SCML2: variants seen among roughly 807,000 people sequenced by gnomAD.
The protein encoded by SCML2 is Scm polycomb group protein like 2.
SCML2 carries 6 observed loss-of-function variants against 48.4 expected under a neutral mutation model. The observed-to-expected ratio is 0.12, with a 90% confidence interval of 0.07 to 0.24. The LOEUF is 0.24. SCML2 is among the 10% of genes least tolerant of loss of function. The probability of loss-of-function intolerance (pLI) is 1.00; values close to 1 mark genes in which losing one functional copy is unlikely to be tolerated. For missense variants in SCML2, 377 were observed against 528.2 expected (o/e 0.71, Z 2.81); for synonymous variants, 181 against 189.5 (o/e 0.95, Z 0.37).
chrX:18,344,506 G>A (rs987408527), intron 1 of SCML2, among the ~76,000 whole-genome samples: 4 of 111,953 alleles, frequency 3.6e-5, no homozygotes, highest in African/African-American at 1.3e-4. Context: ...TTCAATTGTA[G>A]CTCTCATAAT....
At chrX:18,292,363 A>C (rs1928259586) in intron 7 of SCML2, among the ~76,000 whole-genome samples, 1 of 111,575 alleles carries the variant, frequency 9.0e-6, no homozygotes, top group African/African-American at 3.2e-5. Flanking sequence ...TCATCATATC[A>C]TCTAGTTTAA....
chrX:18,296,505 A>G (rs1336052999), intron 7 of SCML2, among the ~76,000 whole-genome samples: 2 of 111,350 alleles, frequency 1.8e-5, no homozygotes, highest in African/African-American at 6.5e-5. Context: ...AGATGAAAAG[A>G]AGGCCAAAGG....
chrX:18,329,816 G>A (rs964576772), intron 3 of SCML2, among the ~76,000 whole-genome samples: 3 of 112,442 alleles, frequency 2.7e-5, no homozygotes, highest in African/African-American at 6.5e-5. Context: ...AGTGGCTCAC[G>A]CCTGTAATCC....
At chrX:18,315,536 T>C (rs1006619501) in intron 6 of SCML2, among the ~76,000 whole-genome samples, 3 of 111,239 alleles carry the variant, frequency 2.7e-5, no homozygotes, top group Admixed American at 9.6e-5. Context: ...CTTATAAAAG[T>C]TGTCAGAATC....
Position 18,246,720 on chromosome X carries a change from C to T in SCML2, c.1679G>A (p.Arg560Lys), listed in dbSNP as rs748578619. 1 of 1,209,655 alleles carries T rather than the reference C, an allele frequency of 8.3e-7. No individual in the cohort carries two copies. Among genetic ancestry groups the T allele is most frequent in the Non-Finnish European group, 1.1e-6 (1 of 893,866 alleles). Residue 560 changes from arginine (R) to lysine (K), a missense_variant, in exon 13 of 15, where the codon AGA (arginine) becomes AAA (lysine). Coordinates refer to ENST00000251900, the MANE Select transcript of SCML2 (RefSeq NM_006089.3). ...TGAAGTATGAATATACATAGGATTT[C>T]TACAGGCAGGATTCAAATAATTTCC... is the stretch of plus-strand genomic sequence containing the variant. ...NSGNYLNPAC[R>K]NPMYIHTSVS...
intron 7 of SCML2, among the ~76,000 whole-genome samples, chrX:18,270,496 G>C (rs1927416824): frequency 9.0e-6 from 1 of 110,959 alleles, no homozygotes; most frequent in Non-Finnish European, 1.9e-5. Context: ...CTGAAGCCTT[G>C]AACTCCTAGG....
intron 6 of SCML2, among the ~76,000 whole-genome samples, chrX:18,309,576 T>C (rs777997833): frequency 8.0e-5 from 9 of 112,082 alleles, no homozygotes; most frequent in East Asian, 2.8e-4. Context: ...GGTACATATA[T>C]ACCATGGAAT....
chrX:18,309,360 A>G (rs1465129947), intron 6 of SCML2, among the ~76,000 whole-genome samples: 2 of 111,925 alleles, frequency 1.8e-5, no homozygotes, highest in Non-Finnish European at 3.8e-5. Context: ...GCCACTGAGG[A>G]AGGCAGTTTG....
chrX:18,351,327 C>CAA (rs1930369868), intron 1 of SCML2, among the ~76,000 whole-genome samples: 1 of 109,875 alleles, frequency 9.1e-6, no homozygotes, highest in Non-Finnish European at 1.9e-5. Context: ...GTTTTTAGTT[C>CAA]CTGGAATCAA....
intron 11 of SCML2, 45 bp from the exon 12 acceptor site, chrX:18,247,927 T>A (rs1455521679): frequency 1.1e-6 from 1 of 898,658 alleles, no homozygotes; most frequent in East Asian, 3.1e-5. Flanking sequence ...CGAACTAATA[T>A]ACTCAAGCAT....
In SCML2 at chrX:18,337,511, T is replaced by C. The variant is rs184269118; in HGVS notation, c.-24-3416A>G. 3.7e-3 allele frequency among the ~76,000 whole-genome samples: 406 copies of C among 110,198 alleles called. 1 individual carries two copies. The highest frequency in any genetic ancestry group is 0.013 in the African/African-American group (383 of 30,388). On this transcript the variant is annotated intron_variant, in intron 1 of 14. Transcript: ENST00000251900. ...GCAGACTTGAGAGCAAGGAAAGTTA[T>C]CAAGGATAAAGCCGGGCATTACATA...
At chrX:18,280,141 T>C (rs1344592385) in intron 7 of SCML2, among the ~76,000 whole-genome samples, 1 of 110,266 alleles carries the variant, frequency 9.1e-6, no homozygotes, top group African/African-American at 3.3e-5. Context: ...ACAGAGGGAA[T>C]CCCATCAGAC....
intron 6 of SCML2, among the ~76,000 whole-genome samples, chrX:18,305,779 C>T (rs770738153): frequency 1.9e-5 from 2 of 107,783 alleles, no homozygotes; most frequent in South Asian, 4.0e-4. Flanking sequence ...AAAAAAGAAA[C>T]TGTAAGTATA....
At chrX:18,318,879 G>A (rs1487453952) in intron 6 of SCML2, among the ~76,000 whole-genome samples, 1 of 111,818 alleles carries the variant, frequency 8.9e-6, no homozygotes, top group Non-Finnish European at 1.9e-5. Context: ...CCCAAAATTT[G>A]TATGTTGAAG....
At chrX:18,280,251 T>C (rs755567509) in intron 7 of SCML2, among the ~76,000 whole-genome samples, 9 of 111,718 alleles carry the variant, frequency 8.1e-5, no homozygotes, top group African/African-American at 2.3e-4. Flanking sequence ...GAATCTCATA[T>C]GCCACCAAAT....
chrX:18,243,060 T>TTTG (rs913927396), intron 13 of SCML2, among the ~76,000 whole-genome samples: 6 of 111,683 alleles, frequency 5.4e-5, no homozygotes, highest in African/African-American at 1.3e-4. Flanking sequence ...TTTGTTTTGT[T>TTTG]TTGTTGTTGT....
intron 1 of SCML2, among the ~76,000 whole-genome samples, chrX:18,351,987 A>G (rs1163895171): frequency 9.0e-6 from 1 of 111,636 alleles, no homozygotes; most frequent in African/African-American, 3.3e-5. Flanking sequence ...GATTACCCTG[A>G]CCATTTCACT....
At chrX:18,308,961 C>A (rs1369072300) in intron 6 of SCML2, among the ~76,000 whole-genome samples, 1 of 111,126 alleles carries the variant, frequency 9.0e-6, no homozygotes, top group Non-Finnish European at 1.9e-5. Context: ...GTAATCCCAG[C>A]ACTTTGGGAG....
At chrX:18,307,387 T>G (rs1928790917) in intron 6 of SCML2, among the ~76,000 whole-genome samples, 1 of 111,581 alleles carries the variant, frequency 9.0e-6, no homozygotes, top group Non-Finnish European at 1.9e-5. Context: ...CAGTGTTACA[T>G]GAAAGGGCTA....
Sources: allele counts gnomAD v4.1 joint callset (sites outside exome capture counted in the v4.1 genomes callset), GRCh38; gene constraint gnomAD v4.1.1; transcripts MANE v1.5; gene names NCBI Gene and HGNC (gene_info 2026-07-23, HGNC 2026-07-21).